ANKRD30BL: variants seen among roughly 807,000 people sequenced by gnomAD.
ANKRD30BL encodes the protein ankyrin repeat domain 30B like.
In ANKRD30BL, 20 loss-of-function variants were observed where a neutral mutation model predicts 18.4. That is an observed-to-expected ratio of 1.09 (90% CI 0.77 to 1.58). The LOEUF is 1.58. Ranked by LOEUF, ANKRD30BL falls within the 40% of genes most tolerant of loss-of-function variation. The pLI is 0.00. For synonymous variants in ANKRD30BL, 72 were observed against 100.9 expected, an observed-to-expected ratio of 0.71 and a Z score of 1.72; for missense variants, 224 against 268.6, an observed-to-expected ratio of 0.83 and a Z score of 1.16.
intron 1 of ANKRD30BL, among the ~76,000 whole-genome samples, chr2:132,244,684 T>C (rs1379226291): frequency 6.6e-6 from 1 of 152,266 alleles, no homozygotes; most frequent in African/African-American, 2.4e-5. Flanking sequence ...AGAGAAGTTT[T>C]TAAACACTCT....
intron 1 of ANKRD30BL, among the ~76,000 whole-genome samples, chr2:132,243,182 T>C (rs919213780): frequency 9.9e-5 from 15 of 151,652 alleles, no homozygotes; most frequent in African/African-American, 3.4e-4. Flanking sequence ...TAAGTGGACA[T>C]TTGGAACGAT....
In ANKRD30BL at chr2:132,195,680, A is replaced by G. The variant is rs188463688; in HGVS notation, n.442-38534T>C. On this transcript the variant is annotated intron_variant and non_coding_transcript_variant, in intron 1 of 4. Coordinates refer to the ANKRD30BL transcript ENST00000470729. ...GTGGTGGGTGCTTGTAATCCCAGCT[A>G]CTCAAGAAGCTGAGGCAGAAGAATT... Among the ~76,000 whole-genome samples, 233 of 151,168 alleles carry G rather than the reference A, an allele frequency of 1.5e-3. 1 individual carries two copies. Among genetic ancestry groups the G allele is most frequent in the African/African-American group, 5.3e-3 (219 of 41,184 alleles).
At chr2:132,212,434 G>C (rs1415878214) in intron 1 of ANKRD30BL, among the ~76,000 whole-genome samples, 2 of 151,830 alleles carry the variant, frequency 1.3e-5, no homozygotes, top group Non-Finnish European at 2.9e-5. Context: ...TGGACATTTG[G>C]AGCACTTTGT....
intron 1 of ANKRD30BL, among the ~76,000 whole-genome samples, chr2:132,225,631 G>A (rs1035979152): frequency 3.3e-5 from 5 of 152,048 alleles, no homozygotes; most frequent in South Asian, 2.1e-4. Context: ...TATTTGGAAC[G>A]CGTTGAGGCA....
At chr2:132,199,800 T>G (rs1679056405) in intron 1 of ANKRD30BL, among the ~76,000 whole-genome samples, 1 of 152,200 alleles carries the variant, frequency 6.6e-6, no homozygotes, top group South Asian at 2.1e-4. Flanking sequence ...AAGTCATTCT[T>G]TCTGCATTTG....
intron 1 of ANKRD30BL, among the ~76,000 whole-genome samples, chr2:132,198,317 TTTCTTTC>T (rs1261863380): frequency 0.46 from 15,225 of 32,878 alleles, 2,327 homozygotes; most frequent in Non-Finnish European, 0.52. Context: ...TCTTTCTTTC[TTTCTTTC>T]TTTTTTTTTT....
intron 1 of ANKRD30BL, among the ~76,000 whole-genome samples, chr2:132,197,417 A>G (rs1379852733): frequency 6.6e-6 from 1 of 152,134 alleles, no homozygotes; most frequent in African/African-American, 2.4e-5. Flanking sequence ...AAGTCTTAAA[A>G]GTCTTATCCA....
At chr2:132,157,220 C>G in intron 2 of ANKRD30BL, 74 bp from the exon 3 acceptor site, 1 of 1,129,550 alleles carries the variant, frequency 8.9e-7, no homozygotes, top group Admixed American at 2.6e-5. Flanking sequence ...GTTTCACAAA[C>G]CAGTTATATT....
chr2:132,202,716 T>C (rs1386869559), intron 1 of ANKRD30BL, among the ~76,000 whole-genome samples: 5 of 152,246 alleles, frequency 3.3e-5, no homozygotes, highest in Non-Finnish European at 5.9e-5. Flanking sequence ...TGAATATTTA[T>C]ATATATATTT....
At chr2:132,224,908 G>C (rs1679799876) in intron 1 of ANKRD30BL, among the ~76,000 whole-genome samples, 1 of 151,848 alleles carries the variant, frequency 6.6e-6, no homozygotes, top group Non-Finnish European at 1.5e-5. Context: ...GAGCAGGTTT[G>C]AAACACTCTT....
upstream of ANKRD30BL, among the ~76,000 whole-genome samples, chr2:132,163,373 G>T (rs1229452129): frequency 1.3e-5 from 2 of 151,968 alleles, no homozygotes; most frequent in African/African-American, 4.8e-5. Flanking sequence ...GATCACTTGG[G>T]CCTGGGAGTT....
chr2:132,231,333 G>A (rs2104782968), intron 1 of ANKRD30BL, among the ~76,000 whole-genome samples: 1 of 152,220 alleles, frequency 6.6e-6, no homozygotes, highest in South Asian at 2.1e-4. Flanking sequence ...GAAGGGGGAG[G>A]AGCCAAGATG....
chr2:132,204,085 TA>T (rs1679162609), intron 1 of ANKRD30BL, among the ~76,000 whole-genome samples: 1 of 152,240 alleles, frequency 6.6e-6, no homozygotes, highest in South Asian at 2.1e-4. Context: ...AGAGAAGATA[TA>T]AAGATCTCAG....
intron 1 of ANKRD30BL, among the ~76,000 whole-genome samples, chr2:132,187,551 T>A (rs1688590316): frequency 3.3e-5 from 5 of 151,952 alleles, no homozygotes; most frequent in Admixed American, 3.3e-4. Flanking sequence ...CTTAACCTCG[T>A]GATGAGCCCA....
At chr2:132,213,225 TCC>T in intron 1 of ANKRD30BL, among the ~76,000 whole-genome samples, 1 of 151,120 alleles carries the variant, frequency 6.6e-6, no homozygotes, top group Non-Finnish European at 1.5e-5. Flanking sequence ...GTTGAACTTC[TCC>T]TTAGATTGAG....
chr2:132,200,087 T>G (rs928749870), intron 1 of ANKRD30BL, among the ~76,000 whole-genome samples: 4 of 152,050 alleles, frequency 2.6e-5, no homozygotes, highest in African/African-American at 9.7e-5. Flanking sequence ...TTGACAAAAT[T>G]CAACAACCCT....
intron 1 of ANKRD30BL, among the ~76,000 whole-genome samples, chr2:132,209,667 G>A (rs1679292262): frequency 1.3e-5 from 2 of 151,468 alleles, no homozygotes; most frequent in African/African-American, 4.8e-5. Context: ...TGGGGCCTGT[G>A]GTAGAAAAGG....
rs561167811 is a variant in ANKRD30BL at position 132,200,298 on chromosome 2, A to G, written n.442-43152T>C. 7.3e-3 allele frequency among the ~76,000 whole-genome samples: 1,104 copies of G among 151,682 alleles called. 5 individuals are homozygous for G. Among genetic ancestry groups the G allele is most frequent in the Non-Finnish European group, 0.012 (810 of 68,006 alleles). Reference sequence around the variant, plus strand: ...AGTGATGGAAGTTCTGGCCAGGGCAATCAGGCAGGAGAAGGAAATAAAGGG... The same window carrying G: ...AGTGATGGAAGTTCTGGCCAGGGCAGTCAGGCAGGAGAAGGAAATAAAGGG... On this transcript the variant is annotated intron_variant and non_coding_transcript_variant, in intron 1 of 4. Transcript: ENST00000470729.
chr2:132,205,840 G>C (rs1277066951), intron 1 of ANKRD30BL, among the ~76,000 whole-genome samples: 1 of 151,880 alleles, frequency 6.6e-6, no homozygotes, highest in Non-Finnish European at 1.5e-5. Context: ...ACTCAAAAAA[G>C]ATGGTAATTG....
Sources: allele counts gnomAD v4.1 joint callset (sites outside exome capture counted in the v4.1 genomes callset), GRCh38; gene constraint gnomAD v4.1.1; transcripts MANE v1.5; gene names NCBI Gene and HGNC (gene_info 2026-07-23, HGNC 2026-07-21).